Variants in ROCK2 observed in about 807,000 individuals in gnomAD.
The protein encoded by ROCK2 is Rho associated coiled-coil containing protein kinase 2.
Under a neutral mutation model 195.1 loss-of-function variants are expected in ROCK2, and 61 were observed. The ratio of observed to expected loss-of-function variants is 0.31; its 90% CI spans 0.25 to 0.39. ROCK2 has a LOEUF of 0.39. Ranked by LOEUF, ROCK2 falls within the 10% of genes least tolerant of loss-of-function variation. The pLI is 1.00. For missense variants in ROCK2, 1,109 were observed against 1,637.4 expected, an observed-to-expected ratio of 0.68 and a Z score of 5.57; for synonymous variants, 504 against 545.5, an observed-to-expected ratio of 0.92 and a Z score of 1.06.
rs1408349907 is a variant in ROCK2, at chr2:11,317,601, TATATATA to T, written c.141+26388_141+26394del. On this transcript the variant is annotated intron_variant, in intron 1 of 32. Transcript: ENST00000315872. ...TTATATATATATATATATATATATA[TATATATA>T]TATATTTTTTTTTTTTTTTAATTAT... Among the ~76,000 whole-genome samples the T allele has an allele frequency of 1.2e-3, 22 of 18,566 alleles. 1 individual carries two copies. The highest frequency in any genetic ancestry group is 0.017 in the Middle Eastern group (1 of 60). The allele number at this position is 18,566 out of a possible 152,430, so 12.2% of individuals were successfully genotyped here. A position where few individuals can be genotyped will look rare whatever the true frequency, so the allele number is the denominator to read the frequency against.
chr2:11,330,850 G>GA (rs1205381390), intron 1 of ROCK2, among the ~76,000 whole-genome samples: 6 of 13,274 alleles, frequency 4.5e-4, no homozygotes, highest in East Asian at 4.1e-3. Context: ...GAGGAGGAGG[G>GA]GGAGGAAGAG....
intron 1 of ROCK2, among the ~76,000 whole-genome samples, chr2:11,298,942 G>T (rs1301668939): frequency 2.0e-5 from 3 of 152,124 alleles, no homozygotes; most frequent in African/African-American, 7.2e-5. Flanking sequence ...AAACTACAGA[G>T]ATTTAAAAAT....
chr2:11,253,837 GC>G lies in ROCK2; in HGVS notation c.325-4040del, dbSNP rs1665920893. Among the ~76,000 whole-genome samples, 3 of 152,322 alleles carry G rather than the reference GC, an allele frequency of 2.0e-5. No individual in the cohort carries two copies. The South Asian group carries it at 6.2e-4, about 32-fold the overall frequency. On this transcript the variant is annotated intron_variant, in intron 3 of 32. Coordinates refer to ENST00000315872, the MANE Select transcript of ROCK2 (RefSeq NM_004850.5). ...TTGTCAAATACTATCCACATGTACA[GC>G]TAATACTTATATTGATGAAAATAAG...
intron 1 of ROCK2, among the ~76,000 whole-genome samples, chr2:11,316,495 A>C (rs184830776): frequency 6.6e-6 from 1 of 152,234 alleles, no homozygotes; most frequent in Admixed American, 6.5e-5. Context: ...TACTCCAAAA[A>C]AGGAAAGACT....
At chr2:11,243,795 C>T (rs1223951726) in intron 4 of ROCK2, among the ~76,000 whole-genome samples, 1 of 152,068 alleles carries the variant, frequency 6.6e-6, no homozygotes, top group African/African-American at 2.4e-5. Context: ...AAACAAAGAA[C>T]ATAGGTAAAA....
Position 11,214,477 on chromosome 2 carries a change from C to T in ROCK2, c.1937-14G>A, listed in dbSNP as rs747646816. 8.2e-6 allele frequency: 12 copies of T among 1,461,228 alleles called. No individual in the cohort carries two copies. Among genetic ancestry groups the T allele is most frequent in the Middle Eastern group, 1.7e-4 (1 of 5,726 alleles). The allele number at this position is 1,461,228 out of a possible 1,614,324, so 90.5% of individuals were successfully genotyped here. A position where few individuals can be genotyped will look rare whatever the true frequency, so the allele number is the denominator to read the frequency against. The stretch of plus-strand genomic sequence containing the variant: ...CACATATTCTACCTAAAAATTGCAA[C>T]GTTTTTTTAAAACATTAAACCCACA... On this transcript the variant is annotated splice_polypyrimidine_tract_variant and intron_variant, in intron 16 of 32. Coordinates refer to ENST00000315872, the MANE Select transcript of ROCK2 (RefSeq NM_004850.5).
chr2:11,206,579 A>T (rs1007706639), intron 20 of ROCK2, among the ~76,000 whole-genome samples: 1 of 152,238 alleles, frequency 6.6e-6, no homozygotes, highest in Non-Finnish European at 1.5e-5. Context: ...GGCAATAAAT[A>T]GATCAGCTCA....
At chr2:11,237,221 C>T (rs1176156548) in intron 4 of ROCK2, among the ~76,000 whole-genome samples, 1 of 152,102 alleles carries the variant, frequency 6.6e-6, no homozygotes, top group Non-Finnish European at 1.5e-5. Flanking sequence ...ATCAATTAAA[C>T]ATTAGGCTGA....
At chr2:11,209,900 T>A (rs767890944) in intron 18 of ROCK2, among the ~76,000 whole-genome samples, 1 of 152,248 alleles carries the variant, frequency 6.6e-6, no homozygotes, top group Non-Finnish European at 1.5e-5. Context: ...TTACATGTTT[T>A]ATTGCACTTG....
At chr2:11,335,588 G>C (rs1385518362) in intron 1 of ROCK2, among the ~76,000 whole-genome samples, 1 of 152,072 alleles carries the variant, frequency 6.6e-6, no homozygotes, top group African/African-American at 2.4e-5. Flanking sequence ...CCCAAATAGA[G>C]ACCTAACCTA....
intron 1 of ROCK2, among the ~76,000 whole-genome samples, chr2:11,329,411 A>G (rs1668647797): frequency 6.6e-6 from 1 of 151,854 alleles, no homozygotes; most frequent in African/African-American, 2.4e-5. Context: ...TTTACATTAT[A>G]TCATCCAGAA....
chr2:11,298,534 C>T (rs1572379125), intron 1 of ROCK2, among the ~76,000 whole-genome samples: 2 of 150,696 alleles, frequency 1.3e-5, no homozygotes, highest in East Asian at 3.9e-4. Flanking sequence ...TGTTTGCCAT[C>T]ATTGTGCTTA....
intron 1 of ROCK2, among the ~76,000 whole-genome samples, chr2:11,291,749 G>A (rs1250975915): frequency 6.6e-6 from 1 of 152,134 alleles, no homozygotes; most frequent in Admixed American, 6.5e-5. Context: ...TTTATGAGTT[G>A]TCAGCACATA....
At chr2:11,231,958 C>T (rs556767545) in intron 5 of ROCK2, among the ~76,000 whole-genome samples, 75 of 152,166 alleles carry the variant, frequency 4.9e-4, no homozygotes, top group African/African-American at 1.8e-3. Context: ...TGTAAAGGGC[C>T]AGACTCTAAA....
intron 17 of ROCK2, among the ~76,000 whole-genome samples, chr2:11,212,815 C>T (rs925906105): frequency 1.3e-5 from 2 of 151,966 alleles, no homozygotes; most frequent in Admixed American, 6.6e-5. Context: ...CTATTCCACT[C>T]ACATGATTTC....
intron 20 of ROCK2, among the ~76,000 whole-genome samples, chr2:11,206,808 A>T (rs1250724319): frequency 6.6e-6 from 1 of 152,242 alleles, no homozygotes; most frequent in Non-Finnish European, 1.5e-5. Context: ...CCTTTACAAG[A>T]TCCCTAACAA....
chr2:11,305,904 T>A (rs947002786), intron 1 of ROCK2, among the ~76,000 whole-genome samples: 3 of 152,198 alleles, frequency 2.0e-5, no homozygotes, highest in Non-Finnish European at 1.5e-5. Flanking sequence ...TAAAGAAGTG[T>A]ACAAGGACTG....
chr2:11,344,094 CG>C lies in ROCK2; in HGVS notation c.42del (p.Glu15ArgfsTer19). 2 of 1,523,244 alleles carry C rather than the reference CG, an allele frequency of 1.3e-6. No homozygotes were observed. The highest frequency in any genetic ancestry group is 2.3e-5 in the Admixed American group (1 of 43,692). 94.4% of individuals were successfully genotyped at this position (1,523,244 alleles called of 1,614,324 possible). On this transcript the variant is annotated frameshift_variant, in exon 1 of 33. Transcript: ENST00000315872. LOFTEE classifies it high-confidence loss of function. This position sits in a 1 kb window ranked among gnomAD's most constrained non-coding sequence, Gnocchi z 5.4. ...CCTGCCCCGTCCCCCGGCGCGGTCT[CG>C]GGGGCGCCGGGCATTTTCCCCGTCG... is the stretch of plus-strand genomic sequence containing the variant. Reference protein sequence around the residue: ...PPPTGKMPGAPETAPGDGAGA... With the variant: ...PPPTGKMPGAXETAPGDGAGA...
intron 1 of ROCK2, among the ~76,000 whole-genome samples, chr2:11,317,604 A>ATTTTT (rs1455941424): frequency 9.3e-4 from 15 of 16,186 alleles, no homozygotes; most frequent in South Asian, 2.2e-3. Flanking sequence ...ATATATATAT[A>ATTTTT]TATATATATT....
Sources: gnomAD v4.1 joint callset for allele counts (sites outside exome capture counted in the v4.1 genomes callset) on GRCh38, gnomAD v4.1.1 for gene constraint, Gnocchi (gnomAD v3.1) non-coding constraint, MANE v1.5 for transcripts, NCBI Gene and HGNC (gene_info 2026-07-23, HGNC 2026-07-21) for gene names.